Variants in SLC7A11 observed in about 807,000 individuals in gnomAD.
The protein encoded by SLC7A11 is cystine/glutamate transporter.
A neutral mutation model predicts 54.5 loss-of-function variants in SLC7A11; 35 were observed. The observed-to-expected ratio is 0.64, with a 90% CI of 0.49 to 0.85. The LOEUF (loss-of-function observed/expected upper bound fraction) is 0.85. Among genes scored for constraint, SLC7A11 ranks in the 40% least tolerant of loss-of-function variants. SLC7A11 has a pLI of 0.00. For missense variants in SLC7A11, 583 were observed against 618.1 expected (o/e 0.94, Z 0.60); for synonymous variants, 230 against 225.2 (o/e 1.02, Z -0.19).
At chr4:138,172,116 C>T (rs1736441445) in intron 11 of SLC7A11, 99 bp from the exon 12 acceptor site, 3 of 1,190,136 alleles carry the variant, frequency 2.5e-6, no homozygotes, top group Non-Finnish European at 2.3e-6. Flanking sequence ...CAAAAACACA[C>T]AACTGTCTAC....
chr4:138,227,485 C>T (rs1167214776), intron 3 of SLC7A11, among the ~76,000 whole-genome samples: 1 of 152,142 alleles, frequency 6.6e-6, no homozygotes, highest in Admixed American at 6.5e-5. Context: ...TTATGGCAGA[C>T]ATTGTACAAA....
At chr4:138,203,130 T>A (rs1578650306) in intron 6 of SLC7A11, among the ~76,000 whole-genome samples, 1 of 152,144 alleles carries the variant, frequency 6.6e-6, no homozygotes, top group Admixed American at 6.6e-5. Flanking sequence ...CCCACCCCAA[T>A]AAAATAGGCC....
intron 3 of SLC7A11, among the ~76,000 whole-genome samples, chr4:138,225,683 T>G (rs748283477): frequency 2.0e-5 from 3 of 152,124 alleles, no homozygotes; most frequent in Admixed American, 6.6e-5. Flanking sequence ...ATAATGATTA[T>G]TGTTTTAATT....
rs1736348672 is a variant in SLC7A11 at position 138,169,243 on chromosome 4, TATAA to T, written c.*2709_*2712del. On this transcript the variant is annotated 3_prime_UTR_variant, in exon 12 of 12. Coordinates refer to ENST00000280612, the MANE Select transcript of SLC7A11 (RefSeq NM_014331.4). ...AATTTTACTTATATAAAAACATATA[TATAA>T]ATAAGTGTTCAGGAGAGTTTTTGAG... 6.6e-6 allele frequency: 1 copy of T among 151,990 alleles called. No homozygotes were observed. Among genetic ancestry groups the T allele is most frequent in the African/African-American group, 2.4e-5 (1 of 41,434 alleles). The allele number at this position is 151,990 out of a possible 1,614,324, so 9.4% of individuals were successfully genotyped here. A position where few individuals can be genotyped will look rare whatever the true frequency, so the allele number is the denominator to read the frequency against.
chr4:138,183,892 G>T (rs186141074), intron 7 of SLC7A11, among the ~76,000 whole-genome samples: 1 of 152,110 alleles, frequency 6.6e-6, no homozygotes, highest in Non-Finnish European at 1.5e-5. Flanking sequence ...TCATGTATGT[G>T]TCAATTTCTT....
intron 1 of SLC7A11, among the ~76,000 whole-genome samples, chr4:138,239,426 C>T (rs902286216): frequency 6.6e-6 from 1 of 152,132 alleles, no homozygotes; most frequent in African/African-American, 2.4e-5. Context: ...ACCAAATGTA[C>T]AGATTCTTTA....
intron 2 of SLC7A11, among the ~76,000 whole-genome samples, chr4:138,233,233 G>A (rs893487252): frequency 1.3e-5 from 2 of 148,310 alleles, no homozygotes; most frequent in African/African-American, 5.0e-5. Flanking sequence ...CCCCCAGGCT[G>A]GAGTGTAGTG....
intron 10 of SLC7A11, 144 bp downstream of exon 10, chr4:138,180,497 G>C: frequency 2.8e-6 from 2 of 712,920 alleles, no homozygotes; most frequent in Non-Finnish European, 4.4e-6. Flanking sequence ...AATCCAACAG[G>C]AAAGCACTGC....
In SLC7A11 at chr4:138,223,241, T is replaced by C. The variant is rs111500641; in HGVS notation, c.604A>G (p.Ile202Val). ...IFLTFCKLTAILIIIVPGVMQ... is the reference protein window; with the variant it reads ...IFLTFCKLTAVLIIIVPGVMQ... ...ACTCCAGGGACTATAATTATCAGAA[T>C]TGCTGTGAGCTTGCAAAAGGTTAAG... The change falls in exon 4 of 12, where the codon ATT becomes GTT. Residue 202 changes from isoleucine (I) to valine (V), a missense_variant. By Grantham distance (29) the Ile-to-Val change is conservative. Transcript: ENST00000280612. 9.5e-3 allele frequency: 15,348 copies of C among 1,613,638 alleles called. 131 individuals carry two copies. The highest frequency in any genetic ancestry group is 0.012 in the Middle Eastern group (73 of 6,060).
chr4:138,197,271 A>G (rs547097964), intron 6 of SLC7A11, among the ~76,000 whole-genome samples: 2 of 152,084 alleles, frequency 1.3e-5, no homozygotes, highest in Non-Finnish European at 2.9e-5. Flanking sequence ...TATTTTTTGC[A>G]TGTTTTCATT....
intron 11 of SLC7A11, among the ~76,000 whole-genome samples, chr4:138,172,879 C>T (rs1211572333): frequency 2.0e-5 from 3 of 152,104 alleles, no homozygotes; most frequent in Non-Finnish European, 4.4e-5. Context: ...GAGTTTCACT[C>T]GTTGCCCAGG....
chr4:138,180,772 T>C lies in SLC7A11; in HGVS notation c.1135A>G (p.Met379Val). The change falls in exon 10 of 12, where the codon ATG (methionine) becomes GTG (valine). Residue 379 changes from methionine to valine, a missense_variant. Transcript: ENST00000280612. ...VIVLHPLTMI[M>V]LFSGDLDSLL... is the part of the protein sequence containing the mutation. Reference sequence around the variant, plus strand: ...CTGTCGAGGTCTCCAGAGAAGAGCATTATCATTGTCAAAGGGTGCTGAGGG... The same window carrying C: ...CTGTCGAGGTCTCCAGAGAAGAGCACTATCATTGTCAAAGGGTGCTGAGGG... 1 of 1,612,530 alleles carries C rather than the reference T, an allele frequency of 6.2e-7. No homozygotes were observed. The highest frequency in any genetic ancestry group is 8.5e-7 in the Non-Finnish European group (1 of 1,179,214).
intron 6 of SLC7A11, among the ~76,000 whole-genome samples, chr4:138,191,092 A>G (rs1362804049): frequency 6.6e-6 from 1 of 152,218 alleles, no homozygotes; most frequent in African/African-American, 2.4e-5. Context: ...AAAAAAATAT[A>G]GCAAGAGAAA....
intron 6 of SLC7A11, among the ~76,000 whole-genome samples, chr4:138,193,867 A>G (rs1048935431): frequency 1.3e-5 from 2 of 152,220 alleles, no homozygotes; most frequent in Non-Finnish European, 2.9e-5. Flanking sequence ...TTATATAGGT[A>G]TGTATGCACA....
At chr4:138,233,398 C>T (rs1738129848) in intron 2 of SLC7A11, among the ~76,000 whole-genome samples, 1 of 152,100 alleles carries the variant, frequency 6.6e-6, no homozygotes. Flanking sequence ...ATTGGTCAGG[C>T]TGGTCTCGAA....
chr4:138,224,085 G>A (rs1037122138), intron 3 of SLC7A11, among the ~76,000 whole-genome samples: 2 of 152,170 alleles, frequency 1.3e-5, no homozygotes, highest in African/African-American at 4.8e-5. Context: ...AAAACCTCAA[G>A]GATAGAGCAA....
rs1736369761 is a variant in SLC7A11 at position 138,170,029 on chromosome 4, CTA to C, written c.*1925_*1926del. The C allele has an allele frequency of 2.0e-5, 3 of 151,210 alleles. No homozygotes were observed. The highest frequency in any genetic ancestry group is 1.3e-4 in the Admixed American group (2 of 15,154). 9.4% of individuals were successfully genotyped at this position (151,210 alleles called of 1,614,324 possible). A position where few individuals can be genotyped will look rare whatever the true frequency, so the allele number is the denominator to read the frequency against. ...TACTTTGGACAATTTTTTATGAATT[CTA>C]TGTTTGCCTTTAATAATTTTAATTG... On this transcript the variant is annotated 3_prime_UTR_variant, in exon 12 of 12. Transcript: ENST00000280612.
intron 3 of SLC7A11, among the ~76,000 whole-genome samples, chr4:138,231,597 C>A (rs568969316): frequency 6.6e-6 from 1 of 152,076 alleles, no homozygotes; most frequent in Non-Finnish European, 1.5e-5. Context: ...GGATTTGGTA[C>A]CTGGCATCTT....
At chr4:138,216,277 A>T (rs142015689) in intron 5 of SLC7A11, among the ~76,000 whole-genome samples, 1 of 152,342 alleles carries the variant, frequency 6.6e-6, no homozygotes, top group Non-Finnish European at 1.5e-5. Flanking sequence ...TTGACACAAC[A>T]GTACAAAATA....
Sources: gnomAD v4.1 joint callset for allele counts (sites outside exome capture counted in the v4.1 genomes callset) on GRCh38, gnomAD v4.1.1 for gene constraint, MANE v1.5 for transcripts, NCBI Gene and HGNC (gene_info 2026-07-23, HGNC 2026-07-21) for gene names.